The following LPP variants were observed in gnomAD, a reference collection of about 807,000 sequenced individuals.
LPP encodes the protein lipoma-preferred partner.
Under a neutral mutation model 60.4 loss-of-function variants are expected in LPP, and 38 were observed. The observed-to-expected ratio is 0.63, with a 90% CI of 0.49 to 0.83. LPP has a LOEUF of 0.83. Among genes scored for constraint, LPP ranks in the 40% least tolerant of loss-of-function variants. The pLI is 0.00. For synonymous variants in LPP, 328 were observed against 290.8 expected, an observed-to-expected ratio of 1.13 and a Z score of -1.30; for missense variants, 902 against 783.6, an observed-to-expected ratio of 1.15 and a Z score of -1.80.
chr3:188,617,381 G>C (rs2151499443), intron 7 of LPP, among the ~76,000 whole-genome samples: 1 of 152,260 alleles, frequency 6.6e-6, no homozygotes, highest in East Asian at 1.9e-4. Flanking sequence ...GATAGTTCAA[G>C]ACAGAGGAGG....
chr3:188,567,796 T>C (rs1349170192), intron 6 of LPP, among the ~76,000 whole-genome samples: 1 of 152,000 alleles, frequency 6.6e-6, no homozygotes, highest in Non-Finnish European at 1.5e-5. Flanking sequence ...CTCATGCATA[T>C]CAACACCTGT....
At chr3:188,299,499 A>G (rs1050234648) in intron 2 of LPP, among the ~76,000 whole-genome samples, 2 of 152,062 alleles carry the variant, frequency 1.3e-5, no homozygotes, top group Admixed American at 6.5e-5. Context: ...GTCTTTTTTT[A>G]AAATTGTGCC....
At chr3:188,500,862 T>C (rs1200289394) in intron 5 of LPP, among the ~76,000 whole-genome samples, 2 of 152,100 alleles carry the variant, frequency 1.3e-5, no homozygotes, top group East Asian at 1.9e-4. Context: ...CTTAAATCTT[T>C]TTTATTTCTG....
intron 2 of LPP, among the ~76,000 whole-genome samples, chr3:188,248,165 A>G (rs1727684677): frequency 6.6e-6 from 1 of 152,076 alleles, no homozygotes; most frequent in African/African-American, 2.4e-5. Context: ...AAACTGCTGG[A>G]TGAACCGAAA....
chr3:188,642,471 A>C (rs1850342824), intron 7 of LPP, among the ~76,000 whole-genome samples: 1 of 152,228 alleles, frequency 6.6e-6, no homozygotes, highest in Non-Finnish European at 1.5e-5. Context: ...AAATGTCCTC[A>C]TACAGTATTT....
rs10708836 is a variant in LPP, at chr3:188,318,753, C to CTTTTTTTTT, written c.-66-22895_-66-22887dup. On this transcript the variant is annotated intron_variant, in intron 2 of 11. Transcript: ENST00000617246. ...AAAAAATTGAAAAAAAATTATGATTCTTTTTTTTTTTTTTTTTTTTTTTGA... is the reference window on the plus strand; with the variant it reads ...AAAAAATTGAAAAAAAATTATGATTCTTTTTTTTTTTTTTTTTTTTTTTTTTTTTTTTGA... Among the ~76,000 whole-genome samples the CTTTTTTTTT allele has an allele frequency of 2.5e-4, 24 of 96,834 alleles. 1 individual carries two copies. The highest frequency in any genetic ancestry group is 4.4e-4 in the African/African-American group (9 of 20,488). 63.5% of individuals were successfully genotyped at this position (96,834 alleles called of 152,430 possible).
chr3:188,158,518 G>A (rs1433260582), intron 1 of LPP, among the ~76,000 whole-genome samples: 1 of 152,218 alleles, frequency 6.6e-6, no homozygotes, highest in Non-Finnish European at 1.5e-5. Flanking sequence ...ATAGGTAGCT[G>A]TAGGTAGTGT....
intron 2 of LPP, among the ~76,000 whole-genome samples, chr3:188,277,097 T>TTTTG (rs1740226345): frequency 6.6e-6 from 1 of 151,762 alleles, no homozygotes; most frequent in Non-Finnish European, 1.5e-5. Flanking sequence ...AGAGATGGGG[T>TTTTG]TTTGCCCCTT....
At chr3:188,517,653 C>A (rs1817735348) in intron 5 of LPP, among the ~76,000 whole-genome samples, 4 of 152,078 alleles carry the variant, frequency 2.6e-5, no homozygotes, top group Admixed American at 2.6e-4. Context: ...AGGTGAAGGG[C>A]ACTTCTTACA....
intron 7 of LPP, among the ~76,000 whole-genome samples, chr3:188,698,121 T>C (rs937105440): frequency 6.6e-6 from 1 of 151,992 alleles, no homozygotes; most frequent in Non-Finnish European, 1.5e-5. Context: ...AACCTTTTTT[T>C]CCCGACATTA....
rs370031004 is a variant in LPP at position 188,874,344 on chromosome 3, G to C, written c.1711-7G>C. ...TATGTCGTTTCCATCTGTCTTTACT[G>C]TTCTAGGATTGCGGTGGTCTCCTGT... is the stretch of plus-strand genomic sequence containing the variant. On this transcript the variant is annotated splice_polypyrimidine_tract_variant and splice_region_variant and intron_variant, in intron 11 of 11. Coordinates refer to ENST00000617246, the MANE Select transcript of LPP (RefSeq NM_001375462.1). 6.2e-7 allele frequency: 1 copy of C among 1,612,800 alleles called. No homozygotes were observed. The highest frequency in any genetic ancestry group is 8.5e-7 in the Non-Finnish European group (1 of 1,179,114).
At chr3:188,769,608 T>C (rs1560180632) in intron 9 of LPP, among the ~76,000 whole-genome samples, 1 of 152,224 alleles carries the variant, frequency 6.6e-6, no homozygotes, top group Non-Finnish European at 1.5e-5. Flanking sequence ...AATGCCATTT[T>C]ATAGCTGAGA....
At chr3:188,301,959 A>G (rs1750005394) in intron 2 of LPP, among the ~76,000 whole-genome samples, 1 of 149,780 alleles carries the variant, frequency 6.7e-6, no homozygotes, top group Admixed American at 6.6e-5. Context: ...ACCCAGCCCA[A>G]TTTACTGACT....
chr3:188,387,904 GA>G (rs1180747972), intron 3 of LPP, among the ~76,000 whole-genome samples: 1 of 131,526 alleles, frequency 7.6e-6, no homozygotes, highest in Non-Finnish European at 1.6e-5. Flanking sequence ...ATCTATTGAT[GA>G]CTTGTTTTGT....
rs564773072 is a variant in LPP, at chr3:188,407,601, A to G, written c.193+1288A>G. Among the ~76,000 whole-genome samples, 24 of 152,196 alleles carry G rather than the reference A, an allele frequency of 1.6e-4. No homozygotes were observed. The South Asian group carries it at 4.4e-3, about 28-fold the overall frequency. On this transcript the variant is annotated intron_variant, in intron 4 of 11. Transcript: ENST00000617246. Reference sequence around the variant, plus strand: ...TCTCTGTAGCACTCCATGATGTTTTATTGCCTTAGAAAGAGACTGCATCTT... The same window carrying G: ...TCTCTGTAGCACTCCATGATGTTTTGTTGCCTTAGAAAGAGACTGCATCTT...
chr3:188,624,541 A>G (rs1180564318), intron 7 of LPP, among the ~76,000 whole-genome samples: 1 of 152,200 alleles, frequency 6.6e-6, no homozygotes, highest in African/African-American at 2.4e-5. Flanking sequence ...TTAGAAAGCC[A>G]TATTTGGGAG....
rs538868958 is a variant in LPP at position 188,652,142 on chromosome 3, G to C, written c.1113+42298G>C. Reference sequence around the variant, plus strand: ...TTGACATGAAATGCAAGAGAAAAGAGTCTTTGAATTTTCCTGCACTGGAGC... The same window carrying C: ...TTGACATGAAATGCAAGAGAAAAGACTCTTTGAATTTTCCTGCACTGGAGC... On this transcript the variant is annotated intron_variant, in intron 7 of 11. Coordinates refer to ENST00000617246, the MANE Select transcript of LPP (RefSeq NM_001375462.1). Among the ~76,000 whole-genome samples the C allele has an allele frequency of 3.9e-5, 6 of 152,290 alleles. No individual in the cohort carries two copies. In the East Asian group the frequency reaches 9.7e-4, roughly 24 times the overall value.
chr3:188,170,329 C>CTTTT (rs34760455), intron 1 of LPP, among the ~76,000 whole-genome samples: 83 of 96,086 alleles, frequency 8.6e-4, no homozygotes, highest in South Asian at 1.5e-3. Flanking sequence ...CTTTTCTTTT[C>CTTTT]TTTTTTTTTT....
rs867084505 is a variant in LPP, at chr3:188,793,905, T to C, written c.1410+33623T>C. ...TGTAGTTGCCTTTGCAGGACACAAG[T>C]CCTTGCCTTAGTTTCCCTCCAGCCA... On this transcript the variant is annotated intron_variant, in intron 9 of 11. Coordinates refer to ENST00000617246, the MANE Select transcript of LPP (RefSeq NM_001375462.1). Among the ~76,000 whole-genome samples, 8 of 152,184 alleles carry C rather than the reference T, an allele frequency of 5.3e-5. No individual in the cohort carries two copies. The South Asian group carries it at 1.7e-3, about 32-fold the overall frequency.
Sources: gnomAD v4.1 joint callset for allele counts (sites outside exome capture counted in the v4.1 genomes callset) on GRCh38, gnomAD v4.1.1 for gene constraint, MANE v1.5 for transcripts, NCBI Gene and HGNC (gene_info 2026-07-23, HGNC 2026-07-21) for gene names.